TRAPPC9: variants seen among roughly 807,000 people sequenced by gnomAD.
TRAPPC9 encodes the protein trafficking protein particle complex subunit 9, also known as IKK2 binding protein.
Under a neutral mutation model 124.0 loss-of-function variants are expected in TRAPPC9, and 83 were observed. The ratio of observed to expected loss-of-function variants is 0.67; its 90% confidence interval spans 0.56 to 0.80. The LOEUF is 0.80. Ranked by LOEUF, TRAPPC9 falls within the 30% of genes least tolerant of loss-of-function variation. The pLI is 0.00. For missense variants in TRAPPC9, 1,302 were observed against 1,508.3 expected (o/e 0.86, Z 2.27); for synonymous variants, 638 against 617.5 (o/e 1.03, Z -0.49).
chr8:139,883,168 G>C (rs894758867), intron 21 of TRAPPC9, among the ~76,000 whole-genome samples: 4 of 152,148 alleles, frequency 2.6e-5, no homozygotes, highest in African/African-American at 7.2e-5. Context: ...AAAAGGAAGA[G>C]ACACCTGAGC....
At chr8:140,331,640 T>TCATCATCATCATCAC (rs1216645598) in intron 9 of TRAPPC9, among the ~76,000 whole-genome samples, 6 of 151,460 alleles carry the variant, frequency 4.0e-5, no homozygotes, top group East Asian at 1.9e-4. Flanking sequence ...ATCATCATCA[T>TCATCATCATCATCAC]CACCACCCCA....
intron 21 of TRAPPC9, among the ~76,000 whole-genome samples, chr8:139,859,343 T>A (rs984826046): frequency 1.3e-5 from 2 of 152,158 alleles, no homozygotes; most frequent in Admixed American, 1.3e-4. Context: ...GATGCAGCAA[T>A]CACTACCGCT....
At chr8:140,433,547 G>C (rs2070721979) in intron 4 of TRAPPC9, among the ~76,000 whole-genome samples, 1 of 152,092 alleles carries the variant, frequency 6.6e-6, no homozygotes, top group Admixed American at 6.5e-5. Context: ...CCGAGATTGA[G>C]CCACTGCACT....
chr8:139,731,869 T>C, intron 22 of TRAPPC9, 110 bp downstream of exon 22: 3 of 1,007,280 alleles, frequency 3.0e-6, no homozygotes, highest in Non-Finnish European at 4.6e-6. Context: ...GAACCCCTGC[T>C]GCTATCGTCT....
chr8:140,050,363 A>G (rs546138040), intron 17 of TRAPPC9, among the ~76,000 whole-genome samples: 37 of 152,354 alleles, frequency 2.4e-4, no homozygotes, highest in African/African-American at 7.9e-4. Flanking sequence ...TGGAAAACCT[A>G]CATGCTGAGC....
chr8:140,081,546 A>G (rs975076844), intron 17 of TRAPPC9, among the ~76,000 whole-genome samples: 1 of 152,008 alleles, frequency 6.6e-6, no homozygotes, highest in East Asian at 1.9e-4. Context: ...GGGTTTCACC[A>G]TATTGACCAG....
At chr8:140,317,369 G>C (rs373571423) in intron 9 of TRAPPC9, among the ~76,000 whole-genome samples, 12 of 152,150 alleles carry the variant, frequency 7.9e-5, no homozygotes, top group African/African-American at 2.9e-4. Context: ...GTCCCTTCTG[G>C]TTGGTTCCTG....
At position 139,962,236 on chromosome 8, in the gene TRAPPC9, T is replaced by A. The variant is rs1444694946; in HGVS notation, c.2810+26490A>T. Among the ~76,000 whole-genome samples, 3 of 124,448 alleles carry A rather than the reference T, an allele frequency of 2.4e-5. 1 individual carries two copies. Among genetic ancestry groups the A allele is most frequent in the African/African-American group, 7.7e-5 (3 of 39,200 alleles). The allele number at this position is 124,448 out of a possible 152,430, so 81.6% of individuals were successfully genotyped here. On this transcript the variant is annotated intron_variant, in intron 19 of 22. Transcript: ENST00000438773. ...ACAAGAACTCGGGCAAAGGCACCAC[T>A]GGCCGCAGAGATTTCCGGGAAGAAA...
At chr8:140,283,294 CTTTTTT>C (rs376320364) in intron 14 of TRAPPC9, among the ~76,000 whole-genome samples, 1 of 97,228 alleles carries the variant, frequency 1.0e-5, no homozygotes, top group South Asian at 3.7e-4. Context: ...ATTAAAATTC[CTTTTTT>C]TTTTTTTTTT....
intron 21 of TRAPPC9, among the ~76,000 whole-genome samples, chr8:139,839,899 C>A (rs945181715): frequency 6.6e-6 from 1 of 152,222 alleles, no homozygotes; most frequent in East Asian, 1.9e-4. Flanking sequence ...CCTGCTTTCA[C>A]GGCAGTTTTC....
chr8:140,308,260 C>A (rs1259715968), intron 10 of TRAPPC9, among the ~76,000 whole-genome samples: 1 of 151,642 alleles, frequency 6.6e-6, no homozygotes, highest in South Asian at 2.1e-4. Context: ...ACAGGGCAGG[C>A]CACAGAGGCC....
intron 17 of TRAPPC9, among the ~76,000 whole-genome samples, chr8:140,042,226 T>A (rs1404912153): frequency 6.6e-6 from 1 of 151,836 alleles, no homozygotes; most frequent in Non-Finnish European, 1.5e-5. Flanking sequence ...TGTGTGTGTG[T>A]GTGTGTGTAC....
intron 19 of TRAPPC9, among the ~76,000 whole-genome samples, chr8:139,967,885 T>C (rs1157014285): frequency 6.6e-6 from 1 of 152,150 alleles, no homozygotes; most frequent in East Asian, 1.9e-4. Context: ...ACACCTATAA[T>C]CCCAGCACTT....
chr8:140,030,395 T>G (rs1380296364), intron 17 of TRAPPC9, among the ~76,000 whole-genome samples: 2 of 152,190 alleles, frequency 1.3e-5, no homozygotes, highest in African/African-American at 4.8e-5. Flanking sequence ...CTACTGGAAC[T>G]CTCAGAAATT....
chr8:140,149,289 A>G (rs2061505808), intron 17 of TRAPPC9, among the ~76,000 whole-genome samples: 1 of 152,182 alleles, frequency 6.6e-6, no homozygotes, highest in Admixed American at 6.5e-5. Flanking sequence ...TCAAAAACAA[A>G]TGCAGGATCC....
chr8:139,841,340 C>T (rs889440376), intron 21 of TRAPPC9, among the ~76,000 whole-genome samples: 3 of 152,202 alleles, frequency 2.0e-5, no homozygotes, highest in Admixed American at 2.0e-4. Context: ...TTTGCAGGTT[C>T]TGGGGTTGGG....
chr8:140,177,867 T>G (rs942317288), intron 17 of TRAPPC9, among the ~76,000 whole-genome samples: 3 of 152,150 alleles, frequency 2.0e-5, no homozygotes, highest in African/African-American at 7.2e-5. Flanking sequence ...GTACAATTCT[T>G]GCACATCTTT....
At chr8:140,075,140 A>G (rs540476443) in intron 17 of TRAPPC9, among the ~76,000 whole-genome samples, 194 of 152,288 alleles carry the variant, frequency 1.3e-3, no homozygotes, top group Non-Finnish European at 2.2e-3. Context: ...GCTCGGCCCC[A>G]GAGCAGGTGA....
chr8:140,124,704 G>GGGGGAGGACCCTCCGA (rs1384017407), intron 17 of TRAPPC9, among the ~76,000 whole-genome samples: 9 of 143,324 alleles, frequency 6.3e-5, no homozygotes, highest in African/African-American at 1.8e-4. Flanking sequence ...AGACCCTCGC[G>GGGGGAGGACCCTCCGA]GGGGAGGACC....
Sources: allele counts gnomAD v4.1 joint callset (sites outside exome capture counted in the v4.1 genomes callset), GRCh38; gene constraint gnomAD v4.1.1; transcripts MANE v1.5; gene names NCBI Gene and HGNC (gene_info 2026-07-23, HGNC 2026-07-21).